The following SNX29 variants were observed in gnomAD, a reference collection of about 807,000 sequenced individuals.
SNX29 encodes the protein sorting nexin-29.
SNX29 carries 78 observed loss-of-function variants against 102.1 expected under a neutral mutation model. The observed-to-expected ratio is 0.76, with a 90% CI of 0.64 to 0.92. The LOEUF is 0.92. SNX29 is among the 40% of genes least tolerant of loss of function. The pLI, the probability that SNX29 is intolerant of heterozygous loss-of-function variation, is 0.00. For synonymous variants in SNX29, 580 were observed against 414.5 expected (o/e 1.40, Z -4.85); for missense variants, 1,280 against 1,061.7 (o/e 1.21, Z -2.86).
chr16:12,204,226 A>T (rs1047348127), intron 14 of SNX29, among the ~76,000 whole-genome samples: 2 of 152,016 alleles, frequency 1.3e-5, no homozygotes, highest in African/African-American at 4.8e-5. Flanking sequence ...TGACAGTCCT[A>T]CCCTGGACTT....
chr16:12,222,278 A>G (rs1256264981), intron 14 of SNX29, among the ~76,000 whole-genome samples: 1 of 152,186 alleles, frequency 6.6e-6, no homozygotes, highest in African/African-American at 2.4e-5. Flanking sequence ...AGGGGGTTGT[A>G]TAGTGGGAGA....
chr16:12,036,161 A>G (rs1240206832), intron 4 of SNX29, among the ~76,000 whole-genome samples: 1 of 151,726 alleles, frequency 6.6e-6, no homozygotes, highest in Non-Finnish European at 1.5e-5. Context: ...TACAGCCTCA[A>G]ACTCCTGGGG....
At chr16:12,420,087 C>T (rs1396464651) in intron 18 of SNX29, among the ~76,000 whole-genome samples, 2 of 152,174 alleles carry the variant, frequency 1.3e-5, no homozygotes, top group African/African-American at 4.8e-5. Context: ...CAAGGGGTCC[C>T]CTGTGCATTA....
At chr16:12,240,080 A>G (rs2078056263) in intron 14 of SNX29, among the ~76,000 whole-genome samples, 1 of 152,202 alleles carries the variant, frequency 6.6e-6, no homozygotes, top group Non-Finnish European at 1.5e-5. Flanking sequence ...TGTGTCTTTA[A>G]ATATTATCTC....
At chr16:12,056,625 C>A (rs1166628423) in intron 8 of SNX29, among the ~76,000 whole-genome samples, 1 of 152,130 alleles carries the variant, frequency 6.6e-6, no homozygotes, top group African/African-American at 2.4e-5. Flanking sequence ...GTCTTTAAGA[C>A]CCTCTGTTGG....
chr16:12,091,272 C>T lies in SNX29; in HGVS notation c.1402+12357C>T, dbSNP rs143708136. Among the ~76,000 whole-genome samples, 1,358 of 152,112 alleles carry T rather than the reference C, an allele frequency of 8.9e-3. 8 individuals are homozygous for T. Among genetic ancestry groups the T allele is most frequent in the Middle Eastern group, 0.017 (5 of 294 alleles). ...GTTCACACCCGCTCCCCCTCCTTGCCGTTCCTGGAGACCCACAAGCTTGTG... is the reference window on the plus strand; with the variant it reads ...GTTCACACCCGCTCCCCCTCCTTGCTGTTCCTGGAGACCCACAAGCTTGTG... On this transcript the variant is annotated intron_variant, in intron 11 of 20. Coordinates refer to ENST00000566228, the MANE Select transcript of SNX29 (RefSeq NM_032167.5).
chr16:12,567,831 G>T (rs558672386), intron 20 of SNX29, among the ~76,000 whole-genome samples: 2 of 152,236 alleles, frequency 1.3e-5, no homozygotes, highest in South Asian at 4.2e-4. Flanking sequence ...TGCTCTCACG[G>T]TGAAGCCTCC....
chr16:12,426,789 C>A (rs780293608), intron 18 of SNX29, among the ~76,000 whole-genome samples: 7 of 152,176 alleles, frequency 4.6e-5, no homozygotes, highest in Non-Finnish European at 8.8e-5. Flanking sequence ...CCTTGGCTAC[C>A]TATGTAGCTG....
intron 11 of SNX29, among the ~76,000 whole-genome samples, chr16:12,125,489 G>A (rs2054165234): frequency 6.6e-6 from 1 of 152,024 alleles, no homozygotes; most frequent in African/African-American, 2.4e-5. Context: ...GTAGGGAAGG[G>A]TGAGGCTAGG....
At position 12,457,029 on chromosome 16, in the gene SNX29, C is replaced by G. The variant is rs190407109; in HGVS notation, c.2038-20690C>G. Among the ~76,000 whole-genome samples the G allele has an allele frequency of 5.3e-5, 8 of 152,300 alleles. No homozygotes were observed. The East Asian group carries it at 1.5e-3, about 29-fold the overall frequency. On this transcript the variant is annotated intron_variant, in intron 18 of 20. Transcript: ENST00000566228. ...GCTTCCTTTGCCATAATGCCACCCTCTTCTAGTGGGCAGTAAGCTGTGATG... is the reference window on the plus strand; with the variant it reads ...GCTTCCTTTGCCATAATGCCACCCTGTTCTAGTGGGCAGTAAGCTGTGATG...
intron 14 of SNX29, among the ~76,000 whole-genome samples, chr16:12,204,286 A>G (rs2076991252): frequency 6.6e-6 from 1 of 152,150 alleles, no homozygotes; most frequent in East Asian, 1.9e-4. Context: ...TCCTGTTATC[A>G]AGCTTGATTA....
At chr16:12,305,111 G>A (rs182238964) in intron 15 of SNX29, among the ~76,000 whole-genome samples, 2 of 152,244 alleles carry the variant, frequency 1.3e-5, no homozygotes, top group Admixed American at 6.5e-5. Flanking sequence ...TGGTTATTTC[G>A]GCTTTCTAAT....
chr16:12,080,531 T>C (rs2051813002), intron 11 of SNX29, among the ~76,000 whole-genome samples: 1 of 152,192 alleles, frequency 6.6e-6, no homozygotes. Context: ...TAGTTTACTT[T>C]ATTATTCATT....
intron 16 of SNX29, among the ~76,000 whole-genome samples, chr16:12,368,619 A>G (rs2082571536): frequency 1.3e-5 from 2 of 152,154 alleles, no homozygotes; most frequent in Admixed American, 6.5e-5. Flanking sequence ...TGGCATGGAG[A>G]CAGAGGTCCT....
intron 16 of SNX29, among the ~76,000 whole-genome samples, chr16:12,386,101 CA>C (rs1368031748): frequency 6.6e-6 from 1 of 152,244 alleles, no homozygotes; most frequent in Admixed American, 6.5e-5. Context: ...TCCAGGGCAG[CA>C]AAACATCTTC....
At chr16:12,103,200 A>T (rs1567208488) in intron 11 of SNX29, among the ~76,000 whole-genome samples, 1 of 152,194 alleles carries the variant, frequency 6.6e-6, no homozygotes, top group South Asian at 2.1e-4. Context: ...TTAGAAAAAA[A>T]CTGCTTTAAA....
At chr16:12,185,698 A>G (rs2076493378) in intron 13 of SNX29, among the ~76,000 whole-genome samples, 1 of 152,260 alleles carries the variant, frequency 6.6e-6, no homozygotes, top group South Asian at 2.1e-4. Context: ...TGTTGAGACG[A>G]CTGTGACTTG....
At chr16:12,416,005 C>T (rs945632616) in intron 18 of SNX29, among the ~76,000 whole-genome samples, 1 of 152,040 alleles carries the variant, frequency 6.6e-6, no homozygotes, top group African/African-American at 2.4e-5. Context: ...TGGCCAGGGC[C>T]GTACTGTCAG....
At chr16:12,019,906 G>A (rs762297594) in intron 3 of SNX29, among the ~76,000 whole-genome samples, 2 of 151,958 alleles carry the variant, frequency 1.3e-5, no homozygotes, top group African/African-American at 2.4e-5. Flanking sequence ...CAAAGCACTG[G>A]GATTACAGGC....
Sources: allele counts gnomAD v4.1 joint callset (sites outside exome capture counted in the v4.1 genomes callset), GRCh38; gene constraint gnomAD v4.1.1; transcripts MANE v1.5; gene names NCBI Gene and HGNC (gene_info 2026-07-23, HGNC 2026-07-21).